USP32: variants seen among roughly 807,000 people sequenced by gnomAD.
USP32 encodes ubiquitin specific peptidase 32, also known as ubiquitin carboxyl-terminal hydrolase 32.
Under a neutral mutation model 204.8 loss-of-function variants are expected in USP32, and 59 were observed. That is an observed-to-expected ratio of 0.29 (90% CI 0.23 to 0.36). The LOEUF (loss-of-function observed/expected upper bound fraction) is 0.36. Ranked by LOEUF, USP32 falls within the 10% of genes least tolerant of loss-of-function variation. The pLI, the probability that USP32 is intolerant of heterozygous loss-of-function variation, is 1.00. For synonymous variants in USP32, 517 were observed against 678.4 expected (o/e 0.76, Z 3.70); for missense variants, 1,160 against 1,946.4 (o/e 0.60, Z 7.60).
At chr17:60,197,617 A>G (rs1220509293) in intron 27 of USP32, among the ~76,000 whole-genome samples, 1 of 152,220 alleles carries the variant, frequency 6.6e-6, no homozygotes, top group African/African-American at 2.4e-5. Context: ...AGGGAAAAAA[A>G]GAAAAGAAAA....
chr17:60,358,984 C>T (rs1212839199), intron 1 of USP32, among the ~76,000 whole-genome samples: 3 of 152,194 alleles, frequency 2.0e-5, no homozygotes, highest in Admixed American at 6.5e-5. Context: ...TAGAGACACA[C>T]GAGAGGTTCC....
chr17:60,371,430 G>A (rs912239539), intron 1 of USP32, among the ~76,000 whole-genome samples: 1 of 151,850 alleles, frequency 6.6e-6, no homozygotes. Context: ...AGCCAGGTGC[G>A]GTGGCACACG....
intron 2 of USP32, among the ~76,000 whole-genome samples, chr17:60,320,507 C>A (rs2088086293): frequency 6.6e-6 from 1 of 152,184 alleles, no homozygotes; most frequent in Non-Finnish European, 1.5e-5. Context: ...ACAACTTAGA[C>A]ATGCCAAGTC....
chr17:60,289,269 A>C (rs2087207226), intron 4 of USP32, among the ~76,000 whole-genome samples: 1 of 152,110 alleles, frequency 6.6e-6, no homozygotes, highest in Admixed American at 6.6e-5. Flanking sequence ...CGGCCTCCCA[A>C]AGTGCTGGGA....
chr17:60,285,205 A>G (rs1160153216), intron 5 of USP32, among the ~76,000 whole-genome samples: 1 of 152,250 alleles, frequency 6.6e-6, no homozygotes, highest in Non-Finnish European at 1.5e-5. Context: ...CATATGAGTA[A>G]CAATATAAAT....
intron 5 of USP32, among the ~76,000 whole-genome samples, chr17:60,283,128 A>T (rs1460995173): frequency 6.6e-6 from 1 of 152,254 alleles, no homozygotes; most frequent in Non-Finnish European, 1.5e-5. Context: ...GGCTTTGATG[A>T]CAAACAATCA....
chr17:60,315,963 G>C (rs577127405), intron 2 of USP32: 11 of 170,282 alleles, frequency 6.5e-5, no homozygotes, highest in African/African-American at 2.6e-4. Flanking sequence ...TTACAGGCCT[G>C]GTCTGGTACT....
rs545543752 is a variant in USP32 at position 60,252,391 on chromosome 17, G to A, written c.1126C>T (p.Gln376Ter). The change falls in exon 11 of 34, where the codon CAA (glutamine) becomes TAA (stop). Residue 376 changes from glutamine to a stop codon, truncating the protein, a stop_gained. Transcript: ENST00000300896. LOFTEE classifies it high-confidence loss of function. ...LRPATPEEEGQIIRGWLERES... is the reference protein window; with the variant it reads ...LRPATPEEEG ...AAACTACAAATTTACCTAATAATTT[G>A]TCCTTCTTCTTCCGGAGTAGCTGGT... 4 of 1,608,124 alleles carry A rather than the reference G, an allele frequency of 2.5e-6. No individual in the cohort carries two copies.
At chr17:60,374,399 G>GTTT in intron 1 of USP32, among the ~76,000 whole-genome samples, 1 of 141,526 alleles carries the variant, frequency 7.1e-6, no homozygotes, top group Admixed American at 7.1e-5. Context: ...GTTAAGTTTT[G>GTTT]TTTTTTTTTT....
chr17:60,276,826 G>C (rs968199551), intron 5 of USP32, among the ~76,000 whole-genome samples: 1 of 152,024 alleles, frequency 6.6e-6, no homozygotes, highest in African/African-American at 2.4e-5. Context: ...ATGGTCACCA[G>C]TGAAAAACAT....
In USP32 at chr17:60,352,543, A is replaced by G. The variant is rs141911023; in HGVS notation, c.59-6935T>C. On this transcript the variant is annotated intron_variant, in intron 1 of 33. Transcript: ENST00000300896. ...ACATCCAAACTTAAACCTAACTGAT[A>G]AAGGTATCAGGTACAAGTTTATGGA... 2.2e-3 allele frequency among the ~76,000 whole-genome samples: 336 copies of G among 152,332 alleles called. 1 individual carries two copies. Among genetic ancestry groups the G allele is most frequent in the African/African-American group, 7.6e-3 (314 of 41,564 alleles).
upstream of USP32, among the ~76,000 whole-genome samples, chr17:60,392,891 CCT>C (rs2089865557): frequency 6.6e-6 from 1 of 152,086 alleles, no homozygotes; most frequent in East Asian, 1.9e-4. Context: ...AAAGGCTTAT[CCT>C]CTCTCCCAGA....
chr17:60,304,171 A>G (rs1443399486), intron 2 of USP32, among the ~76,000 whole-genome samples: 2 of 152,136 alleles, frequency 1.3e-5, no homozygotes, highest in Non-Finnish European at 2.9e-5. Context: ...TAAGGCAGCC[A>G]GAAGAAAAAC....
In USP32 at chr17:60,208,803, T is replaced by C; in HGVS notation, c.2624A>G (p.Asn875Ser). 6.2e-7 allele frequency: 1 copy of C among 1,603,854 alleles called. No homozygotes were observed. The highest frequency in any genetic ancestry group is 8.5e-7 in the Non-Finnish European group (1 of 1,176,220). ...AEAWDNHLRRNRSIVVDLFHG... is the reference protein window; with the variant it reads ...AEAWDNHLRRSRSIVVDLFHG... ...GAACAAATCCACAACAATTGATCTATTTCTTCTTAGATGGTTGTCCCAGGC... is the reference window on the plus strand; with the variant it reads ...GAACAAATCCACAACAATTGATCTACTTCTTCTTAGATGGTTGTCCCAGGC... The change falls in exon 23 of 34, where the codon AAT becomes AGT. Residue 875 changes from asparagine (N) to serine (S), a missense_variant. This residue lies in a region of USP32 where 132 missense variants were observed against 432.8 expected (regional missense o/e 0.30). Transcript: ENST00000300896.
rs189336357 is a variant in USP32, at chr17:60,270,885, G to A, written c.703+465C>T. Reference sequence around the variant, plus strand: ...AGAGCTAGAGAGCACCTCGGAGATGGTCTAGTCCAATAGTTTCTTCATCTT... The same window carrying A: ...AGAGCTAGAGAGCACCTCGGAGATGATCTAGTCCAATAGTTTCTTCATCTT... On this transcript the variant is annotated intron_variant, in intron 6 of 33. Coordinates refer to ENST00000300896, the MANE Select transcript of USP32 (RefSeq NM_032582.4). Among the ~76,000 whole-genome samples, 741 of 152,048 alleles carry A rather than the reference G, an allele frequency of 4.9e-3. 1 individual carries two copies. The highest frequency in any genetic ancestry group is 0.014 in the Middle Eastern group (4 of 290).
chr17:60,226,267 T>C lies in USP32; in HGVS notation c.1240-36A>G, dbSNP rs200587474. ...GAAATCAGAGAATAAGAAGCAAAGT[T>C]TATAATCTGACAACTATGTAGTCTT... On this transcript the variant is annotated intron_variant, in intron 12 of 33. Transcript: ENST00000300896. 30 of 1,500,052 alleles carry C rather than the reference T, an allele frequency of 2.0e-5. No homozygotes were observed. The East Asian group carries it at 7.4e-4, about 37-fold the overall frequency. 92.9% of individuals were successfully genotyped at this position (1,500,052 alleles called of 1,614,324 possible).
At chr17:60,191,986 G>T (rs1472885920) in intron 28 of USP32, among the ~76,000 whole-genome samples, 1 of 137,926 alleles carries the variant, frequency 7.3e-6, no homozygotes, top group Non-Finnish European at 1.5e-5. Context: ...ACTGTGCTTA[G>T]AACTGGCAAA....
chr17:60,421,971 G>A lies in USP32; in HGVS notation c.106+275C>T, dbSNP rs181849960. ...GGTTACAGAGCCCGTAGGCACTGGC[G>A]GGGATCTTTATACACCCCCAAAACA... On this transcript the variant is annotated intron_variant, in intron 1 of 3. Transcript: ENST00000588898. 21 of 984,524 alleles carry A rather than the reference G, an allele frequency of 2.1e-5. No individual in the cohort carries two copies. The East Asian group carries it at 2.0e-3, about 96-fold the overall frequency. 61.0% of individuals were successfully genotyped at this position (984,524 alleles called of 1,614,324 possible).
At chr17:60,421,805 G>A in intron 1 of USP32, 1 of 965,828 alleles carries the variant, frequency 1.0e-6, no homozygotes, top group Non-Finnish European at 1.2e-6. Context: ...AAGAGTCGGG[G>A]TGGCGGGACT....
Sources: gnomAD v4.1 joint callset for allele counts (sites outside exome capture counted in the v4.1 genomes callset) on GRCh38, gnomAD v4.1.1 for gene constraint, gnomAD v4.1.1 regional missense constraint, MANE v1.5 for transcripts, NCBI Gene and HGNC (gene_info 2026-07-23, HGNC 2026-07-21) for gene names.